SCUBE2: variants seen among roughly 807,000 people sequenced by gnomAD.
SCUBE2 encodes the protein signal peptide, CUB domain and EGF like domain containing 2.
SCUBE2 carries 114 observed loss-of-function variants against 125.9 expected under a neutral mutation model. That is an observed-to-expected ratio of 0.91 (90% CI 0.78 to 1.06). SCUBE2 has a LOEUF of 1.06. SCUBE2 is among the 50% of genes least tolerant of loss of function. The pLI is 0.00. For synonymous variants in SCUBE2, 459 were observed against 492.9 expected, an observed-to-expected ratio of 0.93 and a Z score of 0.91; for missense variants, 1,255 against 1,301.8, an observed-to-expected ratio of 0.96 and a Z score of 0.55.
rs11042172 is a variant in SCUBE2 at position 9,074,218 on chromosome 11, A to T, written c.517+263T>A. ...TCTAGTCATGTTTGAAATGTATTCTATGTAAAGATTAGAATCAGAAAATGT... is the reference window on the plus strand; with the variant it reads ...TCTAGTCATGTTTGAAATGTATTCTTTGTAAAGATTAGAATCAGAAAATGT... On this transcript the variant is annotated intron_variant, in intron 4 of 22. Transcript: ENST00000649792. Among the ~76,000 whole-genome samples, 5 of 152,086 alleles carry T rather than the reference A, an allele frequency of 3.3e-5. No individual in the cohort carries two copies. In the East Asian group the frequency reaches 5.8e-4, roughly 18 times the overall value.
chr11:9,074,638 C>T, intron 3 of SCUBE2, 23 bp from the exon 4 acceptor site: 1 of 1,613,916 alleles, frequency 6.2e-7, no homozygotes, highest in Non-Finnish European at 8.5e-7. Flanking sequence ...AGGGATTAGC[C>T]TTTGCTTTGG....
rs538070222 is a variant in SCUBE2, at chr11:9,027,442, G to A, written c.2623C>T (p.Arg875Cys). ...TWTINPPPKR[R>C]ILIVVPEIFL... ...ATCTCAGGGACCACGATCAGGATGC[G>A]GCGCTTGGGGGGTGGGTTGATGGTC... The change falls in exon 20 of 23, where the codon CGC becomes TGC. Residue 875 changes from arginine to cysteine, a missense_variant. By Grantham distance (180) the Arg-to-Cys change is radical. Transcript: ENST00000649792. The A allele has an allele frequency of 1.9e-5, 30 of 1,614,070 alleles. No homozygotes were observed. In the Admixed American group the frequency reaches 2.5e-4, roughly 13 times the overall value.
At chr11:9,090,794 AC>A (rs763777223) in intron 1 of SCUBE2, among the ~76,000 whole-genome samples, 127 of 152,158 alleles carry the variant, frequency 8.3e-4, no homozygotes, top group Non-Finnish European at 1.4e-3. Context: ...TTAATTAAAA[AC>A]AAAAGCATTT....
In SCUBE2 at chr11:9,048,063, C is replaced by T. The variant is rs758002844; in HGVS notation, c.1675G>A (p.Val559Ile). Residue 559 changes from valine to isoleucine, a missense_variant, in exon 15 of 23, where the codon GTA becomes ATA. Physicochemically the swap from Val to Ile is conservative, Grantham distance 29. Transcript: ENST00000649792. ...TTGCCAGAGCTGCATGTAAGGTTTACGTAGCGGAAGCTCTCTTTTACTGAG... is the reference window on the plus strand; with the variant it reads ...TTGCCAGAGCTGCATGTAAGGTTTATGTAGCGGAAGCTCTCTTTTACTGAG... ...HSSVKESFRY[V>I]NLTCSSGKQV... is the part of the protein sequence containing the mutation. The T allele has an allele frequency of 2.1e-5, 34 of 1,613,926 alleles. No homozygotes were observed. The highest frequency in any genetic ancestry group is 2.5e-5 in the Non-Finnish European group (30 of 1,179,980).
chr11:9,055,917 G>T lies in SCUBE2; in HGVS notation c.1091-8C>A. ...AAGAGCACTCATCCACATCTGTAAT[G>T]GTCAAAGGGAGAGGGGAGCTGAAAC... On this transcript the variant is annotated splice_region_variant and splice_polypyrimidine_tract_variant and intron_variant, in intron 9 of 22. Coordinates refer to ENST00000649792, the MANE Select transcript of SCUBE2 (RefSeq NM_001367977.2). 2 of 1,610,288 alleles carry T rather than the reference G, an allele frequency of 1.2e-6. No homozygotes were observed. Among genetic ancestry groups the T allele is most frequent in the Non-Finnish European group, 1.7e-6 (2 of 1,176,490 alleles).
intron 19 of SCUBE2, 127 bp from the exon 20 acceptor site, chr11:9,027,688 G>A (rs1855913446): frequency 2.6e-6 from 2 of 777,818 alleles, no homozygotes; most frequent in Non-Finnish European, 4.1e-6. Flanking sequence ...GACACCATCT[G>A]GGAATGAGTC....
At chr11:9,080,320 A>G (rs893472814) in intron 2 of SCUBE2, among the ~76,000 whole-genome samples, 4 of 152,234 alleles carry the variant, frequency 2.6e-5, no homozygotes, top group African/African-American at 9.6e-5. Flanking sequence ...TCCAAATGTA[A>G]GCATTAACAA....
intron 16 of SCUBE2, among the ~76,000 whole-genome samples, chr11:9,044,227 A>G (rs968765787): frequency 6.6e-6 from 1 of 152,216 alleles, no homozygotes; most frequent in African/African-American, 2.4e-5. Flanking sequence ...AAAACAACAC[A>G]TAGCACTATT....
intron 12 of SCUBE2, 75 bp from the exon 13 acceptor site, chr11:9,052,907 C>A: frequency 8.1e-7 from 1 of 1,233,674 alleles, no homozygotes; most frequent in South Asian, 1.3e-5. Context: ...AAACTGTCCC[C>A]CCACCCCACT....
At chr11:9,068,291 A>C (rs1860450295) in intron 5 of SCUBE2, among the ~76,000 whole-genome samples, 1 of 152,174 alleles carries the variant, frequency 6.6e-6, no homozygotes, top group Admixed American at 6.5e-5. Context: ...GTGGTTTAGG[A>C]ACACCATGAA....
intron 3 of SCUBE2, among the ~76,000 whole-genome samples, chr11:9,078,305 G>A (rs1397921769): frequency 6.6e-6 from 1 of 152,218 alleles, no homozygotes; most frequent in African/African-American, 2.4e-5. Context: ...GCCACGTGAT[G>A]TGTCACCCAA....
intron 4 of SCUBE2, among the ~76,000 whole-genome samples, chr11:9,071,566 C>T (rs182322651): frequency 5.9e-5 from 9 of 152,318 alleles, no homozygotes; most frequent in African/African-American, 2.2e-4. Context: ...CAGCAAATGG[C>T]CCTAGCTCTT....
chr11:9,072,953 G>T (rs1199299691), intron 4 of SCUBE2, among the ~76,000 whole-genome samples: 2 of 152,164 alleles, frequency 1.3e-5, no homozygotes, highest in African/African-American at 4.8e-5. Context: ...CAGGGCTCTG[G>T]AAGTACAGGG....
intron 13 of SCUBE2, among the ~76,000 whole-genome samples, chr11:9,051,346 A>C (rs1435253253): frequency 6.6e-6 from 1 of 152,174 alleles, no homozygotes; most frequent in African/African-American, 2.4e-5. Flanking sequence ...TTCCTGAGAA[A>C]AAAAGGCCAG....
At chr11:9,037,799 A>T (rs1403295159) in intron 16 of SCUBE2, among the ~76,000 whole-genome samples, 1 of 152,184 alleles carries the variant, frequency 6.6e-6, no homozygotes, top group Non-Finnish European at 1.5e-5. Flanking sequence ...GCTCTTTAAA[A>T]ACATTCCTGT....
rs773950211 is a variant in SCUBE2, at chr11:9,080,568, C to T, written c.257-1059G>A. Reference sequence around the variant, plus strand: ...TGGGAGGCTGAGGCAGGAGGATTGCCTGAGCCCAACATTGAGACCGCAGTG... The same window carrying T: ...TGGGAGGCTGAGGCAGGAGGATTGCTTGAGCCCAACATTGAGACCGCAGTG... On this transcript the variant is annotated intron_variant, in intron 2 of 22. Transcript: ENST00000649792. Among the ~76,000 whole-genome samples, 61 of 151,390 alleles carry T rather than the reference C, an allele frequency of 4.0e-4. 1 individual carries two copies. The highest frequency in any genetic ancestry group is 6.6e-4 in the Non-Finnish European group (45 of 67,884).
At chr11:9,066,565 G>A (rs1729457424) in intron 6 of SCUBE2, 132 bp downstream of exon 6, 5 of 726,928 alleles carry the variant, frequency 6.9e-6, no homozygotes, top group Non-Finnish European at 1.2e-5. Context: ...AGCATGCGAA[G>A]CAGCACAGGG....
chr11:9,046,366 C>A (rs1336134379), intron 16 of SCUBE2, among the ~76,000 whole-genome samples: 1 of 152,130 alleles, frequency 6.6e-6, no homozygotes, highest in African/African-American at 2.4e-5. Flanking sequence ...ACTCCTGCTC[C>A]TTATCCTTGG....
At chr11:9,057,628 G>A (rs919792502) in intron 9 of SCUBE2, among the ~76,000 whole-genome samples, 1 of 149,090 alleles carries the variant, frequency 6.7e-6, no homozygotes, top group Non-Finnish European at 1.5e-5. Context: ...AAGCGATTCT[G>A]GTGTCTCAGC....
Sources: gnomAD v4.1 joint callset for allele counts (sites outside exome capture counted in the v4.1 genomes callset) on GRCh38, gnomAD v4.1.1 for gene constraint, MANE v1.5 for transcripts, NCBI Gene and HGNC (gene_info 2026-07-23, HGNC 2026-07-21) for gene names.